Variants in MACC1 observed in about 807,000 individuals in gnomAD.
The protein encoded by MACC1 is metastasis-associated in colon cancer protein 1.
In MACC1, 79 loss-of-function variants were observed where a neutral mutation model predicts 70.7. That is an observed-to-expected ratio of 1.12 (90% CI 0.93 to 1.35). The LOEUF is 1.35. Ranked by LOEUF, MACC1 falls within the 40% of genes most tolerant of loss-of-function variation. The pLI is 0.00. For synonymous variants in MACC1, 361 were observed against 347.2 expected (o/e 1.04, Z -0.44); for missense variants, 1,106 against 978.1 (o/e 1.13, Z -1.74).
At chr7:20,171,696 C>T (rs911984089) in intron 1 of MACC1, among the ~76,000 whole-genome samples, 2 of 151,944 alleles carry the variant, frequency 1.3e-5, no homozygotes, top group African/African-American at 4.8e-5. Context: ...ATTCTTCTGC[C>T]TCAGCCTCCC....
chr7:20,198,071 T>C (rs1176730480), intron 1 of MACC1, among the ~76,000 whole-genome samples: 1 of 102,142 alleles, frequency 9.8e-6, no homozygotes, highest in Non-Finnish European at 2.0e-5. Context: ...GTTACCACAG[T>C]GGCTAATCCA....
intron 1 of MACC1, among the ~76,000 whole-genome samples, chr7:20,172,154 G>T (rs1225872666): frequency 6.6e-6 from 1 of 152,214 alleles, no homozygotes; most frequent in Non-Finnish European, 1.5e-5. Context: ...AACATTTATA[G>T]TGTAAAATAA....
At chr7:20,203,813 T>G (rs917646408) in intron 1 of MACC1, among the ~76,000 whole-genome samples, 2 of 152,190 alleles carry the variant, frequency 1.3e-5, no homozygotes, top group Non-Finnish European at 2.9e-5. Context: ...CCTAATTAAT[T>G]TTTTCAATTT....
intron 6 of MACC1, among the ~76,000 whole-genome samples, chr7:20,144,704 TA>T (rs1267353078): frequency 6.6e-6 from 1 of 152,070 alleles, no homozygotes; most frequent in Non-Finnish European, 1.5e-5. Flanking sequence ...GGGTATCTGA[TA>T]AAAAATTACA....
chr7:20,144,592 A>C (rs923488773), intron 6 of MACC1, among the ~76,000 whole-genome samples: 17 of 152,166 alleles, frequency 1.1e-4, no homozygotes, highest in African/African-American at 4.1e-4. Flanking sequence ...TATAGTTTGC[A>C]TTTATACTTC....
chr7:20,166,118 G>C (rs189727102), intron 2 of MACC1, among the ~76,000 whole-genome samples: 1 of 152,272 alleles, frequency 6.6e-6, no homozygotes, highest in East Asian at 1.9e-4. Flanking sequence ...TAGCCAGCTG[G>C]TAGGTTCAAA....
At chr7:20,184,896 G>T (rs1319331005) in intron 1 of MACC1, 3 of 152,004 alleles carry the variant, frequency 2.0e-5, no homozygotes, top group Admixed American at 6.6e-5. Context: ...TTTCTTTAAA[G>T]GTATATTATA....
intron 1 of MACC1, among the ~76,000 whole-genome samples, chr7:20,213,347 C>T (rs1376765734): frequency 1.3e-5 from 2 of 152,170 alleles, no homozygotes; most frequent in Non-Finnish European, 2.9e-5. Context: ...TTAGTTCAGC[C>T]ATTGTGGAAG....
At chr7:20,206,068 T>G (rs898050364) in intron 1 of MACC1, among the ~76,000 whole-genome samples, 2 of 151,838 alleles carry the variant, frequency 1.3e-5, no homozygotes, top group African/African-American at 2.4e-5. Flanking sequence ...ATCGTCTTTC[T>G]CACACATTAT....
intron 1 of MACC1, among the ~76,000 whole-genome samples, chr7:20,203,362 G>A (rs1473543693): frequency 2.6e-5 from 4 of 152,166 alleles, no homozygotes; most frequent in Non-Finnish European, 5.9e-5. Flanking sequence ...GAAGTTGGAA[G>A]CTTTGACCCT....
In MACC1 at chr7:20,161,808, A is replaced by C. The variant is rs768055019; in HGVS notation, c.55T>G (p.Ser19Ala). The C allele has an allele frequency of 6.2e-7, 1 of 1,612,750 alleles. No individual in the cohort carries two copies. Among genetic ancestry groups the C allele is most frequent in the Non-Finnish European group, 8.5e-7 (1 of 1,179,058 alleles). Residue 19 changes from serine to alanine, a missense_variant, in exon 4 of 7, where the codon TCT becomes GCT. Transcript: ENST00000400331. ...TCCATGTCAATCAAATTTGCTTCAG[A>C]CATACTTTGTGCAATTCTTCCTGAC... ...FRSGRIAQSM[S>A]EANLIDMEAG...
intron 2 of MACC1, among the ~76,000 whole-genome samples, chr7:20,167,743 C>T (rs1355604947): frequency 2.0e-5 from 3 of 152,024 alleles, no homozygotes; most frequent in Non-Finnish European, 4.4e-5. Context: ...GTGTTGACCC[C>T]GGAAGATCTC....
rs1015562045 is a variant in MACC1 at position 20,138,525 on chromosome 7, G to C, written c.*2421C>G. 9 of 151,966 alleles carry C rather than the reference G, an allele frequency of 5.9e-5. No individual in the cohort carries two copies. The highest frequency in any genetic ancestry group is 2.2e-4 in the African/African-American group (9 of 41,370). 9.4% of individuals were successfully genotyped at this position (151,966 alleles called of 1,614,324 possible). A position where few individuals can be genotyped will look rare whatever the true frequency, so the allele number is the denominator to read the frequency against. On this transcript the variant is annotated 3_prime_UTR_variant, in exon 7 of 7. Transcript: ENST00000400331. ...AGAAAGCAAAATCACCACAAAAAAG[G>C]ACTGTGTTCTGAAAGTAAAAACTGT...
At chr7:20,197,428 TTAAA>T (rs1782770335) in intron 1 of MACC1, among the ~76,000 whole-genome samples, 1 of 152,232 alleles carries the variant, frequency 6.6e-6, no homozygotes, top group Admixed American at 6.5e-5. Flanking sequence ...TTTTTGTATG[TTAAA>T]TAAACTTAGC....
intron 2 of MACC1, among the ~76,000 whole-genome samples, chr7:20,165,200 C>A (rs2128103629): frequency 6.6e-6 from 1 of 152,284 alleles, no homozygotes; most frequent in East Asian, 1.9e-4. Context: ...GCACCAGGAT[C>A]ACTTGGAAGG....
chr7:20,164,793 C>A (rs1469975954), intron 2 of MACC1, among the ~76,000 whole-genome samples: 1 of 151,800 alleles, frequency 6.6e-6, no homozygotes, highest in Non-Finnish European at 1.5e-5. Context: ...CAAAATGTAA[C>A]AAACTAAATT....
chr7:20,179,252 AT>A (rs1373630891), intron 1 of MACC1, among the ~76,000 whole-genome samples: 1 of 150,146 alleles, frequency 6.7e-6, no homozygotes, highest in Admixed American at 6.7e-5. Flanking sequence ...GAAAAAAAAA[AT>A]TCCATCATTT....
intron 5 of MACC1, 49 bp from the exon 6 acceptor site, chr7:20,154,430 T>G (rs562803063): frequency 6.4e-7 from 1 of 1,551,560 alleles, no homozygotes; most frequent in Admixed American, 2.0e-5. Context: ...ACTTGGGCTT[T>G]TCTCTCTATA....
intron 1 of MACC1, among the ~76,000 whole-genome samples, chr7:20,180,525 T>C (rs931867380): frequency 1.3e-5 from 2 of 151,616 alleles, no homozygotes; most frequent in African/African-American, 4.8e-5. Context: ...ATATTGTACA[T>C]AAAACTAGCA....
Sources: allele counts gnomAD v4.1 joint callset (sites outside exome capture counted in the v4.1 genomes callset), GRCh38; gene constraint gnomAD v4.1.1; transcripts MANE v1.5; gene names NCBI Gene and HGNC (gene_info 2026-07-23, HGNC 2026-07-21).